ANK3: variants seen among roughly 807,000 people sequenced by gnomAD.
ANK3 encodes the protein ankyrin 3.
A neutral mutation model predicts 370.9 loss-of-function variants in ANK3; 57 were observed. The observed-to-expected ratio is 0.15, with a 90% CI of 0.12 to 0.19. The LOEUF is 0.19. Ranked by LOEUF, ANK3 falls within the 10% of genes least tolerant of loss-of-function variation. The pLI, the probability that ANK3 is intolerant of heterozygous loss-of-function variation, is 1.00. For synonymous variants in ANK3, 1,929 were observed against 1,946.3 expected (o/e 0.99, Z 0.23); for missense variants, 4,439 against 5,302.1 (o/e 0.84, Z 5.06).
chr10:60,217,150 C>G (rs1363485788), intron 8 of ANK3, among the ~76,000 whole-genome samples: 1 of 151,982 alleles, frequency 6.6e-6, no homozygotes, highest in Non-Finnish European at 1.5e-5. Context: ...TGATTCTTCT[C>G]TCTTTTCTTC....
intron 1 of ANK3, among the ~76,000 whole-genome samples, chr10:60,347,499 C>T (rs2055863855): frequency 6.6e-6 from 1 of 151,872 alleles, no homozygotes; most frequent in South Asian, 2.1e-4. Flanking sequence ...TGATGTTGGA[C>T]AAGTCACCTA....
intron 8 of ANK3, among the ~76,000 whole-genome samples, chr10:60,222,209 A>C (rs1046796962): frequency 1.4e-4 from 22 of 152,216 alleles, no homozygotes; most frequent in African/African-American, 5.1e-4. Flanking sequence ...AGGAAGCTGC[A>C]CAAGATATCA....
chr10:60,499,707 A>G (rs1005598188), intron 2 of ANK3, among the ~76,000 whole-genome samples: 4 of 152,214 alleles, frequency 2.6e-5, no homozygotes, highest in African/African-American at 7.2e-5. Context: ...TAAGAGGCCA[A>G]CTCAAAAATA....
intron 1 of ANK3, among the ~76,000 whole-genome samples, chr10:60,345,290 C>G (rs55749838): frequency 6.6e-6 from 1 of 151,974 alleles, no homozygotes; most frequent in Admixed American, 6.6e-5. Context: ...AGGTTTTTCC[C>G]ATTTCGTGCA....
intron 2 of ANK3, among the ~76,000 whole-genome samples, chr10:60,583,502 A>G (rs1187773029): frequency 7.6e-5 from 11 of 145,540 alleles, no homozygotes; most frequent in Non-Finnish European, 1.4e-4. Context: ...GCTTACAGAG[A>G]GGTTTTTTGT....
chr10:60,291,955 C>A (rs2041505383), intron 1 of ANK3, among the ~76,000 whole-genome samples: 1 of 152,112 alleles, frequency 6.6e-6, no homozygotes, highest in Non-Finnish European at 1.5e-5. Flanking sequence ...ATCAAGTAAT[C>A]CACCCATCTT....
intron 8 of ANK3, among the ~76,000 whole-genome samples, chr10:60,225,510 T>C (rs771445790): frequency 2.6e-5 from 4 of 152,150 alleles, no homozygotes; most frequent in Non-Finnish European, 4.4e-5. Context: ...ACATTCAGGA[T>C]TGCCTCCCTT....
At chr10:60,583,523 TTG>T (rs200256143) in intron 2 of ANK3, among the ~76,000 whole-genome samples, 27,609 of 139,864 alleles carry the variant, frequency 0.2, 5,589 homozygotes, top group South Asian at 0.39. Context: ...TTTTTGTTTT[TTG>T]TTTTTTTTTG....
At chr10:60,693,211 G>A (rs1222133959) in intron 1 of ANK3, among the ~76,000 whole-genome samples, 1 of 152,216 alleles carries the variant, frequency 6.6e-6, no homozygotes, top group Non-Finnish European at 1.5e-5. Context: ...TTAAAAAACA[G>A]CTCACCAGGA....
chr10:60,105,782 A>G lies in ANK3; in HGVS notation c.3328+123T>C, dbSNP rs1247918127. ...ATATAGAAAACAGCAACAAAAGCTGAAGAACTTGGGTCCTAGCTTAAAATA... is the reference window on the plus strand; with the variant it reads ...ATATAGAAAACAGCAACAAAAGCTGGAGAACTTGGGTCCTAGCTTAAAATA... On this transcript the variant is annotated intron_variant, in intron 28 of 43. Coordinates refer to ENST00000280772, the MANE Select transcript of ANK3 (RefSeq NM_020987.5). 3.9e-6 allele frequency: 4 copies of G among 1,022,348 alleles called. No homozygotes were observed. The African/African-American group carries it at 6.7e-5, about 17-fold the overall frequency. 63.3% of individuals were successfully genotyped at this position (1,022,348 alleles called of 1,614,324 possible). A position where few individuals can be genotyped will look rare whatever the true frequency, so the allele number is the denominator to read the frequency against.
At chr10:60,459,458 G>A (rs1567058246) in intron 2 of ANK3, among the ~76,000 whole-genome samples, 1 of 152,116 alleles carries the variant, frequency 6.6e-6, no homozygotes, top group Non-Finnish European at 1.5e-5. Context: ...TCAGATACCT[G>A]TTGCTGCTAC....
At position 60,727,306 on chromosome 10, in the gene ANK3, A is replaced by T. The variant is rs61854549; in HGVS notation, c.57+5957T>A. ...AAGGAATAATCTACTAATACCTAAAACAACATGGATTAATATCAAAAACAT... is the reference window on the plus strand; with the variant it reads ...AAGGAATAATCTACTAATACCTAAATCAACATGGATTAATATCAAAAACAT... On this transcript the variant is annotated intron_variant, in intron 1 of 43. Transcript: ENST00000373827. Among the ~76,000 whole-genome samples, 596 of 152,324 alleles carry T rather than the reference A, an allele frequency of 3.9e-3. 5 individuals carry two copies. The highest frequency in any genetic ancestry group is 0.02 in the Middle Eastern group (6 of 294).
chr10:60,221,900 G>A (rs1175507215), intron 8 of ANK3, among the ~76,000 whole-genome samples: 1 of 152,072 alleles, frequency 6.6e-6, no homozygotes, highest in African/African-American at 2.4e-5. Flanking sequence ...GTAGGGAAAG[G>A]TGACATTTCA....
intron 2 of ANK3, among the ~76,000 whole-genome samples, chr10:60,605,693 A>T (rs1015547807): frequency 1.3e-5 from 2 of 152,172 alleles, no homozygotes; most frequent in South Asian, 2.1e-4. Context: ...GATGATGGAA[A>T]AATCAATGGA....
intron 2 of ANK3, among the ~76,000 whole-genome samples, chr10:60,400,698 T>C (rs996744957): frequency 2.6e-5 from 4 of 152,228 alleles, no homozygotes; most frequent in Admixed American, 2.0e-4. Context: ...TCTTGAATTA[T>C]ATTTTATTTA....
chr10:60,621,566 G>A (rs1035780231), intron 1 of ANK3, among the ~76,000 whole-genome samples: 59 of 152,056 alleles, frequency 3.9e-4, no homozygotes, highest in Admixed American at 2.1e-3. Context: ...CAGGTTTGAG[G>A]AGCATAATAT....
intron 1 of ANK3, among the ~76,000 whole-genome samples, chr10:60,329,828 G>A (rs1479749302): frequency 1.3e-5 from 2 of 152,126 alleles, no homozygotes; most frequent in African/African-American, 4.8e-5. Context: ...GTATAGCCAA[G>A]ACAATCCTAA....
At chr10:60,641,473 G>A (rs2078631650) in intron 1 of ANK3, among the ~76,000 whole-genome samples, 1 of 151,034 alleles carries the variant, frequency 6.6e-6, no homozygotes, top group Non-Finnish European at 1.5e-5. Flanking sequence ...CAGAAATAAC[G>A]CCGCATATCT....
chr10:60,442,769 T>C (rs550424638), intron 2 of ANK3, among the ~76,000 whole-genome samples: 2 of 152,366 alleles, frequency 1.3e-5, no homozygotes, highest in East Asian at 3.9e-4. Flanking sequence ...GCTAAATTTC[T>C]TACATAGATT....
Sources: allele counts gnomAD v4.1 joint callset (sites outside exome capture counted in the v4.1 genomes callset), GRCh38; gene constraint gnomAD v4.1.1; transcripts MANE v1.5; gene names NCBI Gene and HGNC (gene_info 2026-07-23, HGNC 2026-07-21).